The following ACTR3C variants were observed in gnomAD, a reference collection of about 807,000 sequenced individuals.
The protein encoded by ACTR3C is actin-related protein 3C.
A neutral mutation model predicts 26.3 loss-of-function variants in ACTR3C; 18 were observed. That is an observed-to-expected ratio of 0.68 (90% CI 0.47 to 1.01). The LOEUF (loss-of-function observed/expected upper bound fraction) is 1.01, where lower values mean the gene tolerates loss of function less well. Among genes scored for constraint, ACTR3C ranks in the 50% least tolerant of loss-of-function variants. The pLI, the probability that ACTR3C is intolerant of heterozygous loss-of-function variation, is 0.00. For synonymous variants in ACTR3C, 55 were observed against 94.5 expected (o/e 0.58, Z 2.42); for missense variants, 184 against 250.7 (o/e 0.73, Z 1.80).
the ACTR3C span, among the ~76,000 whole-genome samples, chr7:150,026,291 C>CA: frequency 6.6e-6 from 1 of 151,864 alleles, no homozygotes; most frequent in South Asian, 2.1e-4. Flanking sequence ...CCTTTATCAG[C>CA]AAAAAACAAA....
chr7:149,976,727 G>A, the ACTR3C span, among the ~76,000 whole-genome samples: 13 of 152,090 alleles, frequency 8.5e-5, no homozygotes, highest in East Asian at 2.5e-3. Flanking sequence ...CACAGGTAAT[G>A]TGTCAGTCAG....
chr7:150,286,347 C>T lies in ACTR3C; in HGVS notation c.471+20G>A. ...TCGCTCCATCCCACACTTGAGCACA[C>T]AAAAAAAGAAACACCTTACCTCCGG... On this transcript the variant is annotated intron_variant, in intron 5 of 7. Transcript: ENST00000683684. 2 of 1,612,422 alleles carry T rather than the reference C, an allele frequency of 1.2e-6. No individual in the cohort carries two copies. The highest frequency in any genetic ancestry group is 1.7e-6 in the Non-Finnish European group (2 of 1,179,204).
At chr7:150,292,059 C>T (rs1443726644) in intron 3 of ACTR3C, among the ~76,000 whole-genome samples, 3 of 149,692 alleles carry the variant, frequency 2.0e-5, no homozygotes, top group Non-Finnish European at 4.4e-5. Context: ...ATTAGTACAT[C>T]ACCCCATCAC....
chr7:150,011,053 T>C, the ACTR3C span, among the ~76,000 whole-genome samples: 118 of 148,706 alleles, frequency 7.9e-4, no homozygotes, highest in Non-Finnish European at 1.4e-3. Context: ...CTATGGCTCC[T>C]GTGTCTAGAA....
the ACTR3C span, among the ~76,000 whole-genome samples, chr7:150,131,424 C>A: frequency 3.3e-5 from 5 of 151,504 alleles, no homozygotes; most frequent in Non-Finnish European, 5.9e-5. Flanking sequence ...AGAAATTTAT[C>A]CCAAAAAGCC....
chr7:149,923,073 G>A, the ACTR3C span, among the ~76,000 whole-genome samples: 627 of 135,142 alleles, frequency 4.6e-3, 2 homozygotes, highest in African/African-American at 0.016. Context: ...TCATAGTTGG[G>A]AGCCAACAGA....
the ACTR3C span, among the ~76,000 whole-genome samples, chr7:149,903,392 T>TA: frequency 9.9e-5 from 15 of 151,802 alleles, no homozygotes; most frequent in African/African-American, 1.9e-4. Context: ...GTTGCCGGAT[T>TA]AAAAAAAAAT....
chr7:150,161,426 C>T, the ACTR3C span, among the ~76,000 whole-genome samples: 1 of 151,526 alleles, frequency 6.6e-6, no homozygotes, highest in African/African-American at 2.4e-5. Context: ...CAAGTGTTCT[C>T]ATTGTTCAAT....
the ACTR3C span, among the ~76,000 whole-genome samples, chr7:150,134,828 T>G: frequency 6.6e-6 from 1 of 152,274 alleles, no homozygotes; most frequent in Non-Finnish European, 1.5e-5. Context: ...CTTTCTAGTG[T>G]GACTTTCTCT....
chr7:150,089,019 A>G, the ACTR3C span, among the ~76,000 whole-genome samples: 2 of 152,226 alleles, frequency 1.3e-5, no homozygotes, highest in Non-Finnish European at 2.9e-5. Flanking sequence ...TATTTATTTT[A>G]AGTGAGATGG....
intron 6 of ACTR3C, among the ~76,000 whole-genome samples, chr7:150,259,522 A>G (rs57178605): frequency 0.16 from 24,681 of 152,078 alleles, 4,064 homozygotes; most frequent in African/African-American, 0.42. Context: ...GAAGACTGTC[A>G]ACCATGGCTG....
chr7:150,041,682 G>GGTCT, the ACTR3C span, among the ~76,000 whole-genome samples: 2 of 144,194 alleles, frequency 1.4e-5, no homozygotes, highest in Non-Finnish European at 1.5e-5. Context: ...GGTGGAAGAG[G>GGTCT]GGATAACTCT....
chr7:149,945,989 G>A, the ACTR3C span, among the ~76,000 whole-genome samples: 3 of 152,196 alleles, frequency 2.0e-5, no homozygotes, highest in African/African-American at 7.2e-5. Context: ...TGGCCTTTAA[G>A]AGGAGAATGG....
the ACTR3C span, among the ~76,000 whole-genome samples, chr7:150,122,058 C>T: frequency 3.3e-5 from 5 of 152,144 alleles, no homozygotes; most frequent in African/African-American, 1.2e-4. Flanking sequence ...CTTTTCCTTA[C>T]ACCTCATACA....
chr7:150,077,843 T>C, the ACTR3C span, among the ~76,000 whole-genome samples: 1 of 152,216 alleles, frequency 6.6e-6, no homozygotes, highest in African/African-American at 2.4e-5. Context: ...TTCTTTCAAT[T>C]GCCAGGAAAG....
chr7:149,978,978 C>T, the ACTR3C span, among the ~76,000 whole-genome samples: 4 of 151,838 alleles, frequency 2.6e-5, no homozygotes, highest in African/African-American at 9.7e-5. Context: ...GCGGAAAATC[C>T]CTCTCTACAT....
At chr7:150,285,006 G>A (rs1203033484) in intron 5 of ACTR3C, among the ~76,000 whole-genome samples, 161 bp from the exon 6 acceptor site, 14 of 152,160 alleles carry the variant, frequency 9.2e-5, no homozygotes, top group African/African-American at 3.1e-4. Context: ...ATGTGACTAC[G>A]TGTGCGTGGG....
chr7:150,175,980 A>T, the ACTR3C span, among the ~76,000 whole-genome samples: 101,033 of 150,040 alleles, frequency 0.67, 35,458 homozygotes, highest in East Asian at 0.83. Flanking sequence ...AAACAAAGTG[A>T]CAGTGACATT....
intron 1 of ACTR3C, among the ~76,000 whole-genome samples, chr7:150,297,851 C>CA (rs35970305): frequency 0.07 from 5,951 of 85,584 alleles, 106 homozygotes; most frequent in African/African-American, 0.11. Context: ...GACTCCGTCT[C>CA]AAAAAAAAAA....
Sources: gnomAD v4.1 joint callset for allele counts (sites outside exome capture counted in the v4.1 genomes callset) on GRCh38, gnomAD v4.1.1 for gene constraint, MANE v1.5 for transcripts, NCBI Gene and HGNC (gene_info 2026-07-23, HGNC 2026-07-21) for gene names.